Variants in ZFP64 observed in about 807,000 individuals in gnomAD.
The protein encoded by ZFP64 is zinc finger protein 64.
Under a neutral mutation model 51.6 loss-of-function variants are expected in ZFP64, and 14 were observed. That is an observed-to-expected ratio of 0.27 (90% CI 0.18 to 0.42). The LOEUF (loss-of-function observed/expected upper bound fraction) is 0.42. Among genes scored for constraint, ZFP64 ranks in the 10% least tolerant of loss-of-function variants. The pLI is 1.00. For missense variants in ZFP64, 754 were observed against 906.8 expected (o/e 0.83, Z 2.16); for synonymous variants, 375 against 361.4 (o/e 1.04, Z -0.43).
chr20:52,153,498 C>T lies in ZFP64; in HGVS notation c.764-70G>A. The T allele has an allele frequency of 1.3e-6, 2 of 1,528,578 alleles. No individual in the cohort carries two copies. The highest frequency in any genetic ancestry group is 2.7e-5 in the African/African-American group (2 of 73,242). The allele number at this position is 1,528,578 out of a possible 1,614,324, so 94.7% of individuals were successfully genotyped here. ...CCACAGCGGATCCCCCCGAAGCACA[C>T]ACCAGAAAATCGCTTATACAAGGTG... On this transcript the variant is annotated intron_variant, in intron 5 of 5. Coordinates refer to ENST00000216923, the MANE Select transcript of ZFP64 (RefSeq NM_018197.3). This position sits in a 1 kb window ranked among gnomAD's most constrained non-coding sequence, Gnocchi z 5.1.
At chr20:52,129,243 G>A (rs1286371364) in intron 5 of ZFP64, among the ~76,000 whole-genome samples, 8 of 151,746 alleles carry the variant, frequency 5.3e-5, no homozygotes, top group Non-Finnish European at 1.0e-4. Flanking sequence ...CACCACGCCC[G>A]GTGAATTTTT....
downstream of ZFP64, among the ~76,000 whole-genome samples, chr20:52,147,073 A>G: frequency 6.6e-6 from 1 of 152,384 alleles, no homozygotes; most frequent in South Asian, 2.1e-4. Flanking sequence ...AAACTGCATC[A>G]GTATTTTATA....
chr20:52,097,452 GA>G (rs1862068731), intron 6 of ZFP64: 6 of 1,521,404 alleles, frequency 3.9e-6, no homozygotes, highest in Admixed American at 2.0e-5. Context: ...AAGAAAAATA[GA>G]TTTTTTTTTT....
intron 5 of ZFP64, chr20:52,098,672 C>T: frequency 6.6e-7 from 1 of 1,521,154 alleles, no homozygotes; most frequent in South Asian, 1.2e-5. Context: ...GGGCTTATTT[C>T]ACCTCCCTTC....
At chr20:52,124,401 C>T (rs1218859751) in intron 5 of ZFP64, among the ~76,000 whole-genome samples, 1 of 152,058 alleles carries the variant, frequency 6.6e-6, no homozygotes. Context: ...CACTGCATAT[C>T]ACATTGAAAT....
chr20:52,149,902 G>A (rs973128873), downstream of ZFP64, among the ~76,000 whole-genome samples: 5 of 152,102 alleles, frequency 3.3e-5, no homozygotes, highest in Middle Eastern at 3.4e-3. Flanking sequence ...ACATATATAC[G>A]TAAGCATAAA....
At chr20:52,115,069 G>A (rs1326972324) in intron 5 of ZFP64, among the ~76,000 whole-genome samples, 1 of 151,980 alleles carries the variant, frequency 6.6e-6, no homozygotes, top group Non-Finnish European at 1.5e-5. Flanking sequence ...GCCAGGTATG[G>A]TGGTGGGCGC....
At chr20:52,176,598 TTCCCGGGTTCACGCCATTC>T (rs1442470385) in intron 2 of ZFP64, among the ~76,000 whole-genome samples, 1 of 150,640 alleles carries the variant, frequency 6.6e-6, no homozygotes, top group Non-Finnish European at 1.5e-5. Flanking sequence ...CAAGCTCCGC[TTCCCGGGTTCACGCCATTC>T]TCCTGCCTCA....
chr20:52,185,727 C>T (rs976750938), intron 2 of ZFP64, among the ~76,000 whole-genome samples: 3 of 151,946 alleles, frequency 2.0e-5, no homozygotes, highest in African/African-American at 4.8e-5. Flanking sequence ...ATTACAGGCG[C>T]CTGCCACCAC....
chr20:52,137,727 G>C (rs575041290), intron 5 of ZFP64, among the ~76,000 whole-genome samples: 1 of 152,130 alleles, frequency 6.6e-6, no homozygotes. Context: ...AGTCATCTCA[G>C]CAAAACTCAG....
Position 52,099,395 on chromosome 20 carries a change from C to T in ZFP64, c.764-808G>A, listed in dbSNP as rs373658265. ...CTCAGTTCAGCAAAAGGTCACAGAC[C>T]ACACATCACTGATCTCCAGGATAAA... On this transcript the variant is annotated intron_variant, in intron 5 of 8. Coordinates refer to the ZFP64 transcript ENST00000361387. Among the ~76,000 whole-genome samples the T allele has an allele frequency of 4.6e-5, 7 of 152,074 alleles. No individual in the cohort carries two copies. The East Asian group carries it at 7.7e-4, about 17-fold the overall frequency.
At chr20:52,176,018 G>T in intron 2 of ZFP64, 2 of 969,768 alleles carry the variant, frequency 2.1e-6, no homozygotes, top group Non-Finnish European at 1.2e-6. Flanking sequence ...CCTGTTGGAA[G>T]CCCTGACCAC....
At chr20:52,187,197 C>T in intron 1 of ZFP64, 126 bp from the exon 2 acceptor site, 1 of 922,060 alleles carries the variant, frequency 1.1e-6, no homozygotes, top group Non-Finnish European at 1.6e-6. Context: ...CCAGTATCCA[C>T]TCCACCTTCC....
At position 52,191,405 on chromosome 20, in the gene ZFP64, C is replaced by G. The variant is rs1043670379; in HGVS notation, c.46+186G>C. 1.3e-5 allele frequency among the ~76,000 whole-genome samples: 2 copies of G among 152,130 alleles called. No homozygotes were observed. The highest frequency in any genetic ancestry group is 2.9e-5 in the Non-Finnish European group (2 of 68,008). ...TCTTGCGCCAGGTCGGGTGCGCCCC[C>G]ACCCCAAGCCCACTCCGGCGCCCCC... is the stretch of plus-strand genomic sequence containing the variant. On this transcript the variant is annotated intron_variant, in intron 1 of 5. Transcript: ENST00000216923. This position sits in a 1 kb window ranked among gnomAD's most constrained non-coding sequence, Gnocchi z 4.3.
At chr20:52,127,524 C>T (rs1157043695) in intron 5 of ZFP64, among the ~76,000 whole-genome samples, 2 of 152,168 alleles carry the variant, frequency 1.3e-5, no homozygotes, top group Non-Finnish European at 2.9e-5. Flanking sequence ...CTTCTCTTTC[C>T]TGCCTCTTTG....
chr20:52,109,577 GAGAC>G (rs892870564), intron 5 of ZFP64, among the ~76,000 whole-genome samples: 3 of 151,926 alleles, frequency 2.0e-5, no homozygotes, highest in African/African-American at 7.2e-5. Context: ...TCAGGAGTTC[GAGAC>G]CAGCTTCGCC....
At chr20:52,141,781 T>C (rs951458088) in intron 5 of ZFP64, among the ~76,000 whole-genome samples, 16 of 152,190 alleles carry the variant, frequency 1.1e-4, no homozygotes, top group Admixed American at 1.0e-3. Context: ...GTGTCAGGTT[T>C]TGAGAGGATT....
intron 5 of ZFP64, among the ~76,000 whole-genome samples, chr20:52,137,422 G>A (rs1011623113): frequency 5.9e-5 from 9 of 151,998 alleles, no homozygotes; most frequent in Non-Finnish European, 5.9e-5. Context: ...AGAGTTTAAC[G>A]ACTACTGAAG....
chr20:52,117,598 G>A (rs771725613), intron 5 of ZFP64: 18 of 454,790 alleles, frequency 4.0e-5, no homozygotes, highest in African/African-American at 3.0e-4. Context: ...TAGCCTGGGC[G>A]ACAGAGCGAA....
Sources: allele counts gnomAD v4.1 joint callset (sites outside exome capture counted in the v4.1 genomes callset), GRCh38; gene constraint gnomAD v4.1.1; non-coding constraint Gnocchi (gnomAD v3.1); transcripts MANE v1.5; gene names NCBI Gene and HGNC (gene_info 2026-07-23, HGNC 2026-07-21).